TSPAN16: variants seen among roughly 807,000 people sequenced by gnomAD.
TSPAN16 encodes tetraspanin-16.
TSPAN16 carries 23 observed loss-of-function variants against 25.2 expected under a neutral mutation model. The ratio of observed to expected loss-of-function variants is 0.91; its 90% CI spans 0.66 to 1.29. TSPAN16 has a LOEUF of 1.29. Among genes scored for constraint, TSPAN16 ranks in the 50% most tolerant of loss-of-function variants. The pLI, the probability that TSPAN16 is intolerant of heterozygous loss-of-function variation, is 0.00. For missense variants in TSPAN16, 272 were observed against 299.9 expected, an observed-to-expected ratio of 0.91 and a Z score of 0.69; for synonymous variants, 123 against 124.4, an observed-to-expected ratio of 0.99 and a Z score of 0.08.
intron 6 of TSPAN16, among the ~76,000 whole-genome samples, chr19:11,315,129 G>A (rs1033316166): frequency 6.6e-6 from 1 of 151,344 alleles, no homozygotes; most frequent in Non-Finnish European, 1.5e-5. Flanking sequence ...CCAGCTCCTC[G>A]GGAGGCTGAG....
chr19:11,324,441 A>G (rs951017432), intron 6 of TSPAN16: 1 of 152,304 alleles, frequency 6.6e-6, no homozygotes, highest in Non-Finnish European at 1.5e-5. Flanking sequence ...ACGTTGCTTC[A>G]TTTCCTTTTC....
In TSPAN16 at chr19:11,315,235, CAATAAT is replaced by C. The variant is rs58115943; in HGVS notation, c.688-521_688-516del. 5.1e-3 allele frequency among the ~76,000 whole-genome samples: 635 copies of C among 124,732 alleles called. 2 individuals carry two copies. The highest frequency in any genetic ancestry group is 0.017 in the East Asian group (69 of 4,130). The allele number at this position is 124,732 out of a possible 152,430, so 81.8% of individuals were successfully genotyped here. On this transcript the variant is annotated intron_variant, in intron 6 of 6. Coordinates refer to ENST00000590327, the MANE Select transcript of TSPAN16 (RefSeq NM_001282509.2). Reference sequence around the variant, plus strand: ...TGGGCAACAGAGTGAGACTCCTTCTCAATAATAATAATAATAATAATAATAATAATA... The same window carrying C: ...TGGGCAACAGAGTGAGACTCCTTCTCAATAATAATAATAATAATAATAATA...
At position 11,301,320 on chromosome 19, in the gene TSPAN16, T is replaced by C. The variant is rs1193075388; in HGVS notation, c.450+12T>C. 6.2e-7 allele frequency: 1 copy of C among 1,605,276 alleles called. No homozygotes were observed. Among genetic ancestry groups the C allele is most frequent in the Non-Finnish European group, 8.5e-7 (1 of 1,174,072 alleles). The stretch of plus-strand genomic sequence containing the variant: ...TGGTCATGGAGAAGGTGAGGCTTAC[T>C]TAAAAAAAAAAAATTGTGGTGTAAA... On this transcript the variant is annotated intron_variant, in intron 4 of 6. Coordinates refer to ENST00000590327, the MANE Select transcript of TSPAN16 (RefSeq NM_001282509.2).
chr19:11,298,204 G>A lies in TSPAN16; in HGVS notation c.132G>A (p.Thr44=), dbSNP rs531001410. 10 of 1,614,162 alleles carry A rather than the reference G, an allele frequency of 6.2e-6. No individual in the cohort carries two copies. The Admixed American group carries it at 1.7e-4, about 27-fold the overall frequency. The change falls in exon 2 of 7, where the codon ACG becomes ACA. Residue 44 remains threonine, a synonymous_variant. Coordinates refer to ENST00000590327, the MANE Select transcript of TSPAN16 (RefSeq NM_001282509.2). The part of the protein sequence containing the change: ...IGGKCGGASL[T]NVLGLSSAYL... Reference sequence around the variant, plus strand: ...GTAAATGTGGAGGGGCCTCTCTGACGAATGTCCTCGGGCTGTCCTCCGCAT... The same window carrying A: ...GTAAATGTGGAGGGGCCTCTCTGACAAATGTCCTCGGGCTGTCCTCCGCAT...
At chr19:11,320,995 C>G (rs935477859) in intron 6 of TSPAN16, among the ~76,000 whole-genome samples, 11 of 152,030 alleles carry the variant, frequency 7.2e-5, no homozygotes, top group African/African-American at 2.7e-4. Flanking sequence ...GTGGTGAAAC[C>G]CCGTCTCTAC....
In TSPAN16 at chr19:11,315,820, G is replaced by A. The variant is rs1223879337; in HGVS notation, c.717G>A (p.Leu239=). 1 of 1,231,960 alleles carries A rather than the reference G, an allele frequency of 8.1e-7. No individual in the cohort carries two copies. Among genetic ancestry groups the A allele is most frequent in the Non-Finnish European group, 1.0e-6 (1 of 987,882 alleles). 76.3% of individuals were successfully genotyped at this position (1,231,960 alleles called of 1,614,324 possible). The change falls in exon 7 of 7, where the codon CTG becomes CTA. Residue 239 remains leucine (L), a synonymous_variant. Coordinates refer to ENST00000590327, the MANE Select transcript of TSPAN16 (RefSeq NM_001282509.2). ...CAGGAATTCTTGCCACTTTGCTGCTGTTTATCAAGCTGGGCTGACACCCAG... is the reference window on the plus strand; with the variant it reads ...CAGGAATTCTTGCCACTTTGCTGCTATTTATCAAGCTGGGCTGACACCCAG... ...QLPGILATLL[L]FIKLG
downstream of TSPAN16, among the ~76,000 whole-genome samples, chr19:11,319,810 TG>T (rs1373155165): frequency 1.3e-5 from 2 of 151,784 alleles, no homozygotes; most frequent in East Asian, 3.9e-4. Context: ...GGTTGTATTT[TG>T]TTTTGTTTTG....
intron 6 of TSPAN16, among the ~76,000 whole-genome samples, chr19:11,315,097 G>C (rs1041364766): frequency 6.6e-6 from 1 of 151,716 alleles, no homozygotes. Flanking sequence ...TTAGCCGGGC[G>C]TGGTGCTGGG....
chr19:11,324,494 C>CCAGCTAAA (rs139489541), intron 6 of TSPAN16: 4 of 152,156 alleles, frequency 2.6e-5, no homozygotes, highest in Non-Finnish European at 5.9e-5. Flanking sequence ...TAAAACACAA[C>CCAGCTAAA]CAGCTAAACA....
At chr19:11,314,729 C>G (rs1432145733) in intron 6 of TSPAN16, among the ~76,000 whole-genome samples, 2 of 151,972 alleles carry the variant, frequency 1.3e-5, no homozygotes, top group African/African-American at 4.8e-5. Flanking sequence ...TTTATTTCTC[C>G]TAGGCCTGAA....
At chr19:11,308,276 A>G (rs538301092) in intron 5 of TSPAN16, among the ~76,000 whole-genome samples, 1 of 149,504 alleles carries the variant, frequency 6.7e-6, no homozygotes, top group Non-Finnish European at 1.5e-5. Context: ...AGGGCAACAT[A>G]GCAAAGTCCC....
At chr19:11,301,018 G>A in intron 3 of TSPAN16, 183 bp from the exon 4 acceptor site, 1 of 567,902 alleles carries the variant, frequency 1.8e-6, no homozygotes, top group Non-Finnish European at 3.2e-6. Flanking sequence ...TCCCTCTCTT[G>A]TGGTGGGGGC....
chr19:11,296,988 C>A (rs962775367), intron 1 of TSPAN16, among the ~76,000 whole-genome samples: 9 of 152,144 alleles, frequency 5.9e-5, no homozygotes, highest in Non-Finnish European at 1.3e-4. Context: ...TGGCAGTGAG[C>A]CGAGATTGTG....
intron 5 of TSPAN16, among the ~76,000 whole-genome samples, chr19:11,307,402 G>A (rs953385704): frequency 1.3e-5 from 2 of 151,582 alleles, no homozygotes; most frequent in Non-Finnish European, 2.9e-5. Context: ...TTACAGGCAT[G>A]AGCCACCACA....
chr19:11,315,097 G>A (rs1041364766), intron 6 of TSPAN16, among the ~76,000 whole-genome samples: 1 of 151,714 alleles, frequency 6.6e-6, no homozygotes, highest in Non-Finnish European at 1.5e-5. Context: ...TTAGCCGGGC[G>A]TGGTGCTGGG....
chr19:11,326,074 T>C (rs544362827), intron 6 of TSPAN16, among the ~76,000 whole-genome samples: 3 of 151,836 alleles, frequency 2.0e-5, no homozygotes, highest in South Asian at 4.2e-4. Flanking sequence ...GACAAAAAAT[T>C]AGCTGGGCAT....
At chr19:11,302,704 CACAT>C (rs2080575925) in intron 4 of TSPAN16, among the ~76,000 whole-genome samples, 3 of 143,014 alleles carry the variant, frequency 2.1e-5, no homozygotes, top group Non-Finnish European at 3.0e-5. Flanking sequence ...CACACACACA[CACAT>C]ACATATATAT....
At chr19:11,320,471 A>G (rs1426141756), downstream of TSPAN16, among the ~76,000 whole-genome samples, 1 of 151,988 alleles carries the variant, frequency 6.6e-6, no homozygotes, top group Non-Finnish European at 1.5e-5. Context: ...GGAAGCTGGG[A>G]GTTCAAGACC....
chr19:11,319,825 T>C (rs1410387611), downstream of TSPAN16, among the ~76,000 whole-genome samples: 1 of 151,956 alleles, frequency 6.6e-6, no homozygotes, highest in Non-Finnish European at 1.5e-5. Context: ...TGTTTTGTTT[T>C]GTTTTTTGAG....
Sources: allele counts gnomAD v4.1 joint callset (sites outside exome capture counted in the v4.1 genomes callset), GRCh38; gene constraint gnomAD v4.1.1; transcripts MANE v1.5; gene names NCBI Gene and HGNC (gene_info 2026-07-23, HGNC 2026-07-21).